The following MYO5B variants were observed in gnomAD, a reference collection of about 807,000 sequenced individuals.
The protein encoded by MYO5B is myosin VB, also known as unconventional myosin-Vb.
A neutral mutation model predicts 229.3 loss-of-function variants in MYO5B; 143 were observed. The ratio of observed to expected loss-of-function variants is 0.62; its 90% CI spans 0.54 to 0.72. The LOEUF (loss-of-function observed/expected upper bound fraction) is 0.72. MYO5B is among the 30% of genes least tolerant of loss of function. MYO5B has a pLI of 0.00. For missense variants in MYO5B, 2,321 were observed against 2,331.0 expected, an observed-to-expected ratio of 1.00 and a Z score of 0.09; for synonymous variants, 918 against 885.2, an observed-to-expected ratio of 1.04 and a Z score of -0.66.
At chr18:50,012,173 C>T (rs1267098217) in intron 4 of MYO5B, among the ~76,000 whole-genome samples, 1 of 152,228 alleles carries the variant, frequency 6.6e-6, no homozygotes, top group African/African-American at 2.4e-5. Flanking sequence ...TCCACAAGTG[C>T]TTCTAATATT....
intron 14 of MYO5B, among the ~76,000 whole-genome samples, chr18:49,939,610 G>A (rs984009955): frequency 3.3e-5 from 5 of 152,162 alleles, no homozygotes; most frequent in Admixed American, 2.6e-4. Flanking sequence ...GGAACCTACC[G>A]GAATCCTGCT....
At chr18:50,091,774 G>T (rs2031453371) in intron 1 of MYO5B, among the ~76,000 whole-genome samples, 1 of 152,204 alleles carries the variant, frequency 6.6e-6, no homozygotes, top group Non-Finnish European at 1.5e-5. Context: ...AGCTTCTACA[G>T]ATTTAAATGC....
chr18:50,058,708 G>A (rs892566097), intron 1 of MYO5B, among the ~76,000 whole-genome samples: 2 of 152,144 alleles, frequency 1.3e-5, no homozygotes, highest in East Asian at 1.9e-4. Context: ...CTACCTGGGA[G>A]GCTGAGGCAG....
At chr18:50,193,654 A>T (rs2033258473) in intron 1 of MYO5B, among the ~76,000 whole-genome samples, 1 of 152,240 alleles carries the variant, frequency 6.6e-6, no homozygotes, top group South Asian at 2.1e-4. Flanking sequence ...ACACGCACAC[A>T]CAACTCTGCA....
chr18:50,146,571 G>A (rs566789258), intron 1 of MYO5B, among the ~76,000 whole-genome samples: 54 of 152,304 alleles, frequency 3.5e-4, no homozygotes, highest in African/African-American at 1.1e-3. Context: ...TGTCCACCCT[G>A]CACCTAGATA....
rs371936078 is a variant in MYO5B, at chr18:49,954,418, G to T, written c.1563C>A (p.Asp521Glu). The T allele has an allele frequency of 2.9e-5, 46 of 1,613,992 alleles. No individual in the cohort carries two copies. In the African/African-American group the frequency reaches 4.7e-4, roughly 16 times the overall value. ...DEECKVPKGT[D>E]QNWAQKLYDR... ...CATAGAGCTTCTGAGCCCAGTTCTG[G>T]TCAGTTCCTTTGGGGACCTGCAGAA... The change falls in exon 13 of 40, where the codon GAC (aspartate) becomes GAA (glutamate). Residue 521 changes from aspartate (D) to glutamate (E), a missense_variant. Asp to Glu is a conservative substitution (Grantham distance 45). Transcript: ENST00000285039.
intron 22 of MYO5B, among the ~76,000 whole-genome samples, chr18:49,883,102 C>T (rs758575238): frequency 1.6e-4 from 25 of 152,196 alleles, no homozygotes; most frequent in South Asian, 2.1e-4. Context: ...AGACTGAATG[C>T]GTTTCCCCTA....
chr18:49,863,851 G>C (rs769827067), intron 28 of MYO5B, among the ~76,000 whole-genome samples: 16 of 152,194 alleles, frequency 1.1e-4, no homozygotes, highest in Non-Finnish European at 2.1e-4. Flanking sequence ...CTCCACTTCA[G>C]AAAGCAAACA....
chr18:49,899,117 C>T (rs1162161597), intron 21 of MYO5B, among the ~76,000 whole-genome samples: 1 of 152,170 alleles, frequency 6.6e-6, no homozygotes, highest in Non-Finnish European at 1.5e-5. Flanking sequence ...ACTCTGTCTA[C>T]TCCCTATGCT....
Position 49,825,694 on chromosome 18 carries a change from A to T in MYO5B, c.*777T>A, listed in dbSNP as rs961385628. The stretch of plus-strand genomic sequence containing the variant: ...TTTGTGAAAGTTTTGTGGGACTTGG[A>T]AAGTGTATGGACTAGCATCAGAAAC... On this transcript the variant is annotated 3_prime_UTR_variant, in exon 40 of 40. Transcript: ENST00000285039. 1 of 152,460 alleles carries T rather than the reference A, an allele frequency of 6.6e-6. No homozygotes were observed. Among genetic ancestry groups the T allele is most frequent in the Non-Finnish European group, 1.5e-5 (1 of 68,050 alleles). The allele number at this position is 152,460 out of a possible 1,614,324, so 9.4% of individuals were successfully genotyped here.
At chr18:50,051,242 C>T (rs890242474) in intron 2 of MYO5B, among the ~76,000 whole-genome samples, 5 of 152,018 alleles carry the variant, frequency 3.3e-5, no homozygotes, top group African/African-American at 1.2e-4. Context: ...CTTGCCCTGG[C>T]CCTCCAAATG....
chr18:50,117,133 T>A (rs2031977558), intron 1 of MYO5B, among the ~76,000 whole-genome samples: 1 of 152,146 alleles, frequency 6.6e-6, no homozygotes, highest in Non-Finnish European at 1.5e-5. Context: ...TTGGTCAAGA[T>A]ACGATTATGT....
At chr18:49,832,459 A>G (rs953922502) in intron 39 of MYO5B, among the ~76,000 whole-genome samples, 4 of 152,236 alleles carry the variant, frequency 2.6e-5, no homozygotes, top group African/African-American at 9.6e-5. Context: ...AGTATTGCCA[A>G]AAAGGAAAAT....
At chr18:50,130,018 C>G (rs1375924151) in intron 1 of MYO5B, among the ~76,000 whole-genome samples, 1 of 152,178 alleles carries the variant, frequency 6.6e-6, no homozygotes, top group African/African-American at 2.4e-5. Flanking sequence ...GCTCAGAGCT[C>G]TCTACCCTAC....
chr18:49,827,294 G>A (rs2023858767), intron 39 of MYO5B, among the ~76,000 whole-genome samples: 1 of 152,252 alleles, frequency 6.6e-6, no homozygotes, highest in African/African-American at 2.4e-5. Flanking sequence ...TATGGGGATA[G>A]CAGCTCACAT....
At chr18:49,938,293 T>C (rs538584914) in intron 14 of MYO5B, among the ~76,000 whole-genome samples, 32 of 152,296 alleles carry the variant, frequency 2.1e-4, no homozygotes, top group African/African-American at 7.5e-4. Flanking sequence ...AAGGTGAAGA[T>C]GCAGGCCTTG....
intron 1 of MYO5B, among the ~76,000 whole-genome samples, chr18:50,103,721 A>G (rs1599022642): frequency 6.6e-6 from 1 of 152,090 alleles, no homozygotes; most frequent in East Asian, 1.9e-4. Flanking sequence ...AGCCCATGCA[A>G]CAGAGCAAGA....
intron 1 of MYO5B, among the ~76,000 whole-genome samples, chr18:50,093,270 T>C (rs1273808422): frequency 1.3e-5 from 2 of 151,358 alleles, no homozygotes; most frequent in Middle Eastern, 3.4e-3. Context: ...AATACCAAGA[T>C]AGGAAACTAA....
At chr18:50,165,772 C>T (rs756017810) in intron 1 of MYO5B, among the ~76,000 whole-genome samples, 9 of 147,662 alleles carry the variant, frequency 6.1e-5, no homozygotes, top group Admixed American at 2.7e-4. Context: ...AGCCAGACTC[C>T]GTCTGAAAGA....
Sources: gnomAD v4.1 joint callset for allele counts (sites outside exome capture counted in the v4.1 genomes callset) on GRCh38, gnomAD v4.1.1 for gene constraint, MANE v1.5 for transcripts, NCBI Gene and HGNC (gene_info 2026-07-23, HGNC 2026-07-21) for gene names.